APBA2: variants seen among roughly 807,000 people sequenced by gnomAD.
The protein encoded by APBA2 is amyloid beta precursor protein binding family A member 2.
A neutral mutation model predicts 75.0 loss-of-function variants in APBA2; 30 were observed. The ratio of observed to expected loss-of-function variants is 0.40; its 90% CI spans 0.30 to 0.54. The LOEUF is 0.54. Among genes scored for constraint, APBA2 ranks in the 20% least tolerant of loss-of-function variants. APBA2 has a pLI of 0.49. For missense variants in APBA2, 801 were observed against 1,016.1 expected, an observed-to-expected ratio of 0.79 and a Z score of 2.88; for synonymous variants, 444 against 409.6, an observed-to-expected ratio of 1.08 and a Z score of -1.01.
intron 4 of APBA2, among the ~76,000 whole-genome samples, chr15:29,072,015 G>GC (rs2042643963): frequency 1.3e-5 from 2 of 152,018 alleles, no homozygotes; most frequent in Non-Finnish European, 1.5e-5. Flanking sequence ...ACAGTGGCTG[G>GC]CCCAGCCCTA....
At chr15:29,011,659 A>C (rs2039408954) in intron 3 of APBA2, among the ~76,000 whole-genome samples, 1 of 152,186 alleles carries the variant, frequency 6.6e-6, no homozygotes, top group African/African-American at 2.4e-5. Flanking sequence ...TTCAAATCTT[A>C]TATTTCCATT....
chr15:28,932,956 G>T (rs1162020994), intron 2 of APBA2, among the ~76,000 whole-genome samples: 1 of 152,066 alleles, frequency 6.6e-6, no homozygotes, highest in African/African-American at 2.4e-5. Flanking sequence ...GAGTTCTAGG[G>T]GCTGGGAAGT....
intron 6 of APBA2, among the ~76,000 whole-genome samples, chr15:29,087,758 G>A (rs1009633559): frequency 6.6e-6 from 1 of 152,046 alleles, no homozygotes; most frequent in Non-Finnish European, 1.5e-5. Flanking sequence ...CAGACCTAGG[G>A]GGCACTTCAG....
At chr15:29,106,974 A>G (rs2044448185) in intron 12 of APBA2, among the ~76,000 whole-genome samples, 155 bp downstream of exon 12, 1 of 152,158 alleles carries the variant, frequency 6.6e-6, no homozygotes, top group Admixed American at 6.5e-5. Context: ...CGATGATGGT[A>G]TCAGAATTTG....
chr15:29,014,279 A>G (rs1048629299), intron 3 of APBA2, among the ~76,000 whole-genome samples: 2 of 152,258 alleles, frequency 1.3e-5, no homozygotes, highest in African/African-American at 4.8e-5. Context: ...GCTAAAGTCC[A>G]GGTATACTCT....
intron 2 of APBA2, among the ~76,000 whole-genome samples, chr15:28,983,255 G>T (rs575550753): frequency 6.6e-6 from 1 of 152,162 alleles, no homozygotes; most frequent in Non-Finnish European, 1.5e-5. Flanking sequence ...TTGGGGAGGC[G>T]TCATGTAAGG....
At chr15:28,892,366 C>T (rs1288402274) in intron 1 of APBA2, among the ~76,000 whole-genome samples, 7 of 152,346 alleles carry the variant, frequency 4.6e-5, no homozygotes, top group East Asian at 1.9e-4. Context: ...TGAGCCACCA[C>T]GCCTGGCCCA....
intron 3 of APBA2, among the ~76,000 whole-genome samples, chr15:29,013,385 T>A (rs1421740493): frequency 6.7e-6 from 1 of 150,126 alleles, no homozygotes; most frequent in African/African-American, 2.4e-5. Context: ...GTTCACGCCA[T>A]TCTCCTGCCT....
At chr15:29,113,187 G>A (rs1252527930) in intron 13 of APBA2, among the ~76,000 whole-genome samples, 1 of 152,054 alleles carries the variant, frequency 6.6e-6, no homozygotes, top group Non-Finnish European at 1.5e-5. Context: ...CAGTCTCGTG[G>A]TCACAGGCGC....
chr15:29,043,679 G>T (rs187578401), intron 3 of APBA2, among the ~76,000 whole-genome samples: 2 of 152,296 alleles, frequency 1.3e-5, no homozygotes, highest in African/African-American at 4.8e-5. Context: ...TTGTCTTGTG[G>T]AAGTGCTAAC....
intron 1 of APBA2, among the ~76,000 whole-genome samples, chr15:28,900,977 G>C (rs1017447371): frequency 3.3e-5 from 5 of 152,178 alleles, no homozygotes; most frequent in African/African-American, 4.8e-5. Flanking sequence ...ACAGCACCTG[G>C]AACTCGGTAG....
chr15:28,929,020 G>C (rs1410160896), intron 2 of APBA2, among the ~76,000 whole-genome samples: 1 of 152,160 alleles, frequency 6.6e-6, no homozygotes, highest in East Asian at 1.9e-4. Context: ...TCACTGATGA[G>C]TCCAAAGAAG....
At chr15:29,097,620 T>C (rs1452802015) in intron 8 of APBA2, among the ~76,000 whole-genome samples, 1 of 152,250 alleles carries the variant, frequency 6.6e-6, no homozygotes, top group East Asian at 1.9e-4. Flanking sequence ...AATGACTATA[T>C]CTAGCTAATT....
chr15:29,002,037 C>T (rs569629018), intron 3 of APBA2, among the ~76,000 whole-genome samples: 27 of 152,282 alleles, frequency 1.8e-4, no homozygotes, highest in African/African-American at 6.0e-4. Context: ...TAATAGTCCC[C>T]GGTCACATTA....
chr15:28,923,980 A>G (rs2034118473), intron 2 of APBA2, among the ~76,000 whole-genome samples: 2 of 152,214 alleles, frequency 1.3e-5, no homozygotes, highest in African/African-American at 4.8e-5. Flanking sequence ...AGTGATTTCA[A>G]GAGAAGATGC....
At chr15:28,957,728 G>A (rs531809217) in intron 2 of APBA2, among the ~76,000 whole-genome samples, 1 of 152,314 alleles carries the variant, frequency 6.6e-6, no homozygotes, top group South Asian at 2.1e-4. Flanking sequence ...GCGTGCCGAG[G>A]GCTGTAGGAG....
intron 1 of APBA2, chr15:28,919,514 G>T (rs2033857386): frequency 1.3e-5 from 2 of 152,946 alleles, no homozygotes; most frequent in African/African-American, 2.4e-5. Context: ...AGTGTGGCGT[G>T]CTGTGGGGGC....
chr15:28,930,852 G>T (rs1488270734), intron 2 of APBA2, among the ~76,000 whole-genome samples: 1 of 152,180 alleles, frequency 6.6e-6, no homozygotes, highest in African/African-American at 2.4e-5. Flanking sequence ...CATGCCCCTC[G>T]GGAGTGCTCC....
intron 10 of APBA2, chr15:29,102,650 G>C (rs944639049): frequency 3.9e-5 from 6 of 152,134 alleles, no homozygotes; most frequent in Non-Finnish European, 8.8e-5. Context: ...TCCCAGCTAC[G>C]TGGGAGGCTG....
Sources: allele counts gnomAD v4.1 joint callset (sites outside exome capture counted in the v4.1 genomes callset), GRCh38; gene constraint gnomAD v4.1.1; transcripts MANE v1.5; gene names NCBI Gene and HGNC (gene_info 2026-07-23, HGNC 2026-07-21).